The following SORBS2 variants were observed in gnomAD, a reference collection of about 807,000 sequenced individuals.
SORBS2 encodes sorbin and SH3 domain containing 2.
A neutral mutation model predicts 97.7 loss-of-function variants in SORBS2; 46 were observed. That is an observed-to-expected ratio of 0.47 (90% CI 0.37 to 0.60). The LOEUF (loss-of-function observed/expected upper bound fraction) is 0.60. SORBS2 is among the 20% of genes least tolerant of loss of function. The pLI is 0.00. For synonymous variants in SORBS2, 476 were observed against 473.4 expected (o/e 1.01, Z -0.07); for missense variants, 1,316 against 1,282.3 (o/e 1.03, Z -0.40).
chr4:185,613,604 C>T (rs2096577952), intron 11 of SORBS2, among the ~76,000 whole-genome samples: 1 of 128,586 alleles, frequency 7.8e-6, no homozygotes, highest in Non-Finnish European at 1.6e-5. Context: ...GCTGAGAGCA[C>T]ACATTGCACT....
At chr4:185,706,823 T>C (rs1451925297) in intron 2 of SORBS2, among the ~76,000 whole-genome samples, 1 of 152,232 alleles carries the variant, frequency 6.6e-6, no homozygotes, top group Admixed American at 6.5e-5. Context: ...TCATCTATAT[T>C]GTTGGTTATC....
In SORBS2 at chr4:185,953,648, C is replaced by T. The variant is rs960458895; in HGVS notation, c.-338+2548G>A. On this transcript the variant is annotated intron_variant, in intron 1 of 20. Transcript: ENST00000284776. ...GCGAGGGTGAGGACAGAGATGAAGA[C>T]GCTAATAAGGGCCTTTCTGTTGCTG... Among the ~76,000 whole-genome samples, 6 of 152,330 alleles carry T rather than the reference C, an allele frequency of 3.9e-5. No individual in the cohort carries two copies. The East Asian group carries it at 7.7e-4, about 20-fold the overall frequency.
intron 4 of SORBS2, among the ~76,000 whole-genome samples, 188 bp downstream of exon 16, chr4:185,635,167 G>A (rs971064752): frequency 6.6e-6 from 1 of 152,164 alleles, no homozygotes; most frequent in Admixed American, 6.5e-5. Context: ...AGAGTCCAGA[G>A]ATAGCCAACA....
upstream of SORBS2, among the ~76,000 whole-genome samples, chr4:185,660,876 G>A (rs993147330): frequency 6.6e-6 from 1 of 152,162 alleles, no homozygotes; most frequent in Non-Finnish European, 1.5e-5. Context: ...AAGCTTCCTA[G>A]TGAGTCGACA....
intron 2 of SORBS2, among the ~76,000 whole-genome samples, chr4:185,651,350 G>A (rs905322348): frequency 1.3e-5 from 2 of 152,192 alleles, no homozygotes; most frequent in Non-Finnish European, 2.9e-5. Context: ...TTCAATGAAT[G>A]GTTGCATTTT....
At chr4:185,952,949 G>C (rs1450550231) in intron 1 of SORBS2, among the ~76,000 whole-genome samples, 1 of 152,046 alleles carries the variant, frequency 6.6e-6, no homozygotes, top group Non-Finnish European at 1.5e-5. Flanking sequence ...CCTGAGCTTC[G>C]AACTTCATTT....
At chr4:185,620,512 A>T (rs2096703658) in intron 7 of SORBS2, among the ~76,000 whole-genome samples, 1 of 152,150 alleles carries the variant, frequency 6.6e-6, no homozygotes, top group Non-Finnish European at 1.5e-5. Context: ...CTTATTTATA[A>T]TTACTATTAT....
intron 1 of SORBS2, among the ~76,000 whole-genome samples, chr4:185,834,787 C>T (rs1431539700): frequency 1.3e-5 from 2 of 152,124 alleles, no homozygotes; most frequent in African/African-American, 4.8e-5. Context: ...GTTTTGCTAG[C>T]CCCTACACTA....
chr4:185,703,927 T>C (rs912195610), intron 2 of SORBS2, among the ~76,000 whole-genome samples: 1 of 152,182 alleles, frequency 6.6e-6, no homozygotes, highest in Admixed American at 6.5e-5. Context: ...CCTTCAAAAA[T>C]ACAGATTAAC....
chr4:185,690,566 G>A, intron 2 of SORBS2: 4 of 1,525,494 alleles, frequency 2.6e-6, no homozygotes, highest in Non-Finnish European at 3.5e-6. Context: ...GCATACCTGT[G>A]TTCATTTTCA....
intron 4 of SORBS2, among the ~76,000 whole-genome samples, chr4:185,631,163 A>C (rs1461935830): frequency 6.6e-6 from 1 of 152,246 alleles, no homozygotes; most frequent in Non-Finnish European, 1.5e-5. Flanking sequence ...GTTTGACTTG[A>C]AGAAACTAAA....
chr4:185,896,821 G>A (rs975601034), intron 1 of SORBS2, among the ~76,000 whole-genome samples: 1 of 150,962 alleles, frequency 6.6e-6, no homozygotes, highest in African/African-American at 2.4e-5. Context: ...ACTGGGTGGT[G>A]CGTTGCCCTC....
chr4:185,939,168 A>G (rs2099270587), intron 1 of SORBS2, among the ~76,000 whole-genome samples: 1 of 152,128 alleles, frequency 6.6e-6, no homozygotes, highest in Admixed American at 6.5e-5. Context: ...TTTATTTTTC[A>G]CCCTGAATGC....
intron 2 of SORBS2, among the ~76,000 whole-genome samples, chr4:185,767,114 T>A (rs2098938356): frequency 6.6e-6 from 1 of 152,118 alleles, no homozygotes. Flanking sequence ...CCCGTGCTTG[T>A]TTTTCTCTCA....
intron 1 of SORBS2, among the ~76,000 whole-genome samples, chr4:185,791,118 G>A (rs1017800535): frequency 1.4e-4 from 21 of 152,306 alleles, no homozygotes; most frequent in Admixed American, 4.6e-4. Context: ...GGGAAAGTAT[G>A]CTAATTTTCA....
At chr4:185,861,230 T>G (rs1459797763) in intron 1 of SORBS2, among the ~76,000 whole-genome samples, 1 of 151,254 alleles carries the variant, frequency 6.6e-6, no homozygotes, top group Non-Finnish European at 1.5e-5. Context: ...CACTTCCCAC[T>G]GTGGCCTGAA....
At chr4:185,685,922 A>T (rs1047876320) in intron 2 of SORBS2, among the ~76,000 whole-genome samples, 3 of 152,234 alleles carry the variant, frequency 2.0e-5, no homozygotes, top group Non-Finnish European at 4.4e-5. Flanking sequence ...AGCCATTTTA[A>T]TGTGCTATGA....
chr4:185,873,346 T>G (rs11723186), intron 1 of SORBS2, among the ~76,000 whole-genome samples: 1 of 152,050 alleles, frequency 6.6e-6, no homozygotes, highest in Non-Finnish European at 1.5e-5. Context: ...CTTCTATTTT[T>G]CCTTCCCCTG....
At chr4:185,651,323 G>GGGGATTTTTA (rs1198409198) in intron 2 of SORBS2, among the ~76,000 whole-genome samples, 1 of 152,216 alleles carries the variant, frequency 6.6e-6, no homozygotes, top group Non-Finnish European at 1.5e-5. Context: ...CCCCGCCAAG[G>GGGGATTTTTA]GGGATTTTTA....
Sources: allele counts gnomAD v4.1 joint callset (sites outside exome capture counted in the v4.1 genomes callset), GRCh38; gene constraint gnomAD v4.1.1; transcripts MANE v1.5; gene names NCBI Gene and HGNC (gene_info 2026-07-23, HGNC 2026-07-21).